Variants in SHISA9 observed in about 807,000 individuals in gnomAD.
The protein encoded by SHISA9 is shisa family member 9.
In SHISA9, 13 loss-of-function variants were observed where a neutral mutation model predicts 38.0. That is an observed-to-expected ratio of 0.34 (90% CI 0.22 to 0.54). The LOEUF (loss-of-function observed/expected upper bound fraction) is 0.54, where lower values mean the gene tolerates loss of function less well. SHISA9 is among the 20% of genes least tolerant of loss of function. The pLI is 0.91. For missense variants in SHISA9, 538 were observed against 575.8 expected, an observed-to-expected ratio of 0.93 and a Z score of 0.67; for synonymous variants, 275 against 242.0, an observed-to-expected ratio of 1.14 and a Z score of -1.27.
In SHISA9 at chr16:13,153,690, C is replaced by T. The variant is rs556571087; in HGVS notation, c.692-49704C>T. ...TGTGGCCCTCCGGAGGGTATCAAAC[C>T]TGATGTTCCAGGATGTTTGCCAGTC... is the stretch of plus-strand genomic sequence containing the variant. On this transcript the variant is annotated intron_variant, in intron 2 of 4. Transcript: ENST00000558583. Among the ~76,000 whole-genome samples, 7 of 152,258 alleles carry T rather than the reference C, an allele frequency of 4.6e-5. No individual in the cohort carries two copies. In the East Asian group the frequency reaches 5.8e-4, roughly 13 times the overall value.
At chr16:13,417,003 C>A in the SHISA9 span, among the ~76,000 whole-genome samples, 2 of 152,166 alleles carry the variant, frequency 1.3e-5, no homozygotes, top group South Asian at 4.1e-4. Context: ...TAAATAAAAA[C>A]TCAGTGTTCA....
chr16:13,113,167 C>T (rs533556726), intron 2 of SHISA9, among the ~76,000 whole-genome samples: 6 of 143,000 alleles, frequency 4.2e-5, no homozygotes, highest in Non-Finnish European at 9.0e-5. Context: ...CCAAGATCAT[C>T]CTGCTGTACT....
chr16:13,276,270 T>TA, the SHISA9 span, among the ~76,000 whole-genome samples: 10,602 of 151,714 alleles, frequency 0.07, 1,268 homozygotes, highest in African/African-American at 0.24. Context: ...CTGCATAGTA[T>TA]TCCATCATAT....
the SHISA9 span, among the ~76,000 whole-genome samples, chr16:13,442,401 C>T: frequency 2.6e-5 from 4 of 152,060 alleles, no homozygotes; most frequent in African/African-American, 9.7e-5. Context: ...CTCCACCTCC[C>T]AGGTACAGTG....
At chr16:13,184,537 T>A (rs1199285064) in intron 2 of SHISA9, among the ~76,000 whole-genome samples, 2 of 152,238 alleles carry the variant, frequency 1.3e-5, no homozygotes, top group African/African-American at 2.4e-5. Flanking sequence ...TTTTGACAAA[T>A]GCGTAGAGTG....
the SHISA9 span, among the ~76,000 whole-genome samples, chr16:13,489,432 C>T: frequency 6.6e-6 from 1 of 152,038 alleles, no homozygotes; most frequent in Non-Finnish European, 1.5e-5. Context: ...CTCACTTGAT[C>T]CCTGATATGG....
At chr16:13,414,555 C>G in the SHISA9 span, among the ~76,000 whole-genome samples, 1 of 151,876 alleles carries the variant, frequency 6.6e-6, no homozygotes, top group South Asian at 2.1e-4. Flanking sequence ...CTGGCTATGT[C>G]ATATAGCTAG....
the SHISA9 span, among the ~76,000 whole-genome samples, chr16:13,528,238 C>G: frequency 6.6e-6 from 1 of 152,248 alleles, no homozygotes; most frequent in Non-Finnish European, 1.5e-5. Flanking sequence ...ATCCCCTCAC[C>G]TTTCCCCTTG....
chr16:13,377,139 T>A, the SHISA9 span, among the ~76,000 whole-genome samples: 31 of 152,092 alleles, frequency 2.0e-4, no homozygotes, highest in African/African-American at 6.5e-4. Flanking sequence ...GGTGGAGAAA[T>A]GGGTGAGCCC....
At chr16:12,973,786 G>A (rs2072117604) in intron 2 of SHISA9, among the ~76,000 whole-genome samples, 1 of 152,174 alleles carries the variant, frequency 6.6e-6, no homozygotes. Context: ...AGTGGAAAGA[G>A]CACTGAATTG....
At chr16:13,458,837 G>GT in the SHISA9 span, 20 of 178,016 alleles carry the variant, frequency 1.1e-4, no homozygotes, top group African/African-American at 4.3e-4. Context: ...AAATTCTCGG[G>GT]TTTTTTTGTT....
chr16:13,556,456 C>G, the SHISA9 span, among the ~76,000 whole-genome samples: 109 of 151,974 alleles, frequency 7.2e-4, no homozygotes, highest in Non-Finnish European at 5.4e-4. Flanking sequence ...GTCAGGAGAT[C>G]GAGACCATCC....
intron 2 of SHISA9, among the ~76,000 whole-genome samples, chr16:13,179,879 G>A (rs2142029893): frequency 6.6e-6 from 1 of 152,330 alleles, no homozygotes; most frequent in African/African-American, 2.4e-5. Context: ...TTACTGTGTT[G>A]AGAGCAGGAT....
At chr16:13,146,116 G>A (rs2050445107) in intron 2 of SHISA9, among the ~76,000 whole-genome samples, 1 of 152,198 alleles carries the variant, frequency 6.6e-6, no homozygotes, top group Non-Finnish European at 1.5e-5. Flanking sequence ...CTTGAACCCG[G>A]GAGGGGAAGG....
intron 2 of SHISA9, among the ~76,000 whole-genome samples, chr16:13,071,910 T>G (rs1420744989): frequency 6.6e-6 from 1 of 151,992 alleles, no homozygotes; most frequent in African/African-American, 2.4e-5. Flanking sequence ...GCTCCCAAAG[T>G]GCTGGAATTA....
the SHISA9 span, among the ~76,000 whole-genome samples, chr16:13,381,167 A>G: frequency 3.4e-3 from 523 of 152,260 alleles, 14 homozygotes; most frequent in East Asian, 0.088. Flanking sequence ...GATAATAATC[A>G]GAAATCATTT....
the SHISA9 span, among the ~76,000 whole-genome samples, chr16:13,525,109 G>A: frequency 1.5e-4 from 23 of 152,256 alleles, no homozygotes; most frequent in Non-Finnish European, 2.4e-4. Context: ...CCCTATCACC[G>A]TAGTTTCCAA....
At chr16:13,452,198 A>G in the SHISA9 span, among the ~76,000 whole-genome samples, 1 of 152,178 alleles carries the variant, frequency 6.6e-6, no homozygotes, top group South Asian at 2.1e-4. Context: ...GTTATTCTCA[A>G]CTGTTACAGA....
intron 2 of SHISA9, among the ~76,000 whole-genome samples, chr16:13,138,648 A>G (rs1011806293): frequency 3.3e-5 from 5 of 152,210 alleles, no homozygotes; most frequent in African/African-American, 1.2e-4. Flanking sequence ...GTGGTTCACA[A>G]TTATGGATGG....
Sources: allele counts gnomAD v4.1 joint callset (sites outside exome capture counted in the v4.1 genomes callset), GRCh38; gene constraint gnomAD v4.1.1; transcripts MANE v1.5; gene names NCBI Gene and HGNC (gene_info 2026-07-23, HGNC 2026-07-21).